The following DNAAF5 variants were observed in gnomAD, a reference collection of about 807,000 sequenced individuals.
DNAAF5 encodes dynein axonemal assembly factor 5.
In DNAAF5, 64 loss-of-function variants were observed where a neutral mutation model predicts 75.8. The observed-to-expected ratio is 0.84, with a 90% CI of 0.69 to 1.04. DNAAF5 has a LOEUF of 1.04. DNAAF5 is among the 50% of genes least tolerant of loss of function. DNAAF5 has a pLI of 0.00. For synonymous variants in DNAAF5, 657 were observed against 557.2 expected, an observed-to-expected ratio of 1.18 and a Z score of -2.52; for missense variants, 1,269 against 1,178.5, an observed-to-expected ratio of 1.08 and a Z score of -1.12.
At chr7:747,126 G>C (rs954611636) in intron 4 of DNAAF5, among the ~76,000 whole-genome samples, 2 of 152,208 alleles carry the variant, frequency 1.3e-5, no homozygotes, top group African/African-American at 4.8e-5. Context: ...GTGTTTTATT[G>C]GATAAACACT....
At chr7:764,496 T>C (rs1356831390) in intron 8 of DNAAF5, among the ~76,000 whole-genome samples, 1 of 152,214 alleles carries the variant, frequency 6.6e-6, no homozygotes, top group Non-Finnish European at 1.5e-5. Flanking sequence ...CATAGTGCCT[T>C]GGGACACACG....
rs1779119161 is a variant in DNAAF5, at chr7:785,551, TCTC to T, written c.2469_2471del (p.Leu824del). 1.9e-6 allele frequency: 3 copies of T among 1,613,656 alleles called. No individual in the cohort carries two copies. The East Asian group carries it at 6.7e-5, about 36-fold the overall frequency. On this transcript the variant is annotated inframe_deletion, in exon 13 of 13. Coordinates refer to ENST00000297440, the MANE Select transcript of DNAAF5 (RefSeq NM_017802.4). The stretch of plus-strand genomic sequence containing the variant: ...AAGAGGGCAGCGGGCTGTTCCCAGA[TCTC>T]CTGGTGAGGGAGACGGAGGCCGTCA...
intron 8 of DNAAF5, chr7:769,114 G>T (rs1039545406): frequency 4.0e-6 from 3 of 758,342 alleles, no homozygotes; most frequent in African/African-American, 3.4e-5. Flanking sequence ...GGCAGGTGCG[G>T]GGGTCTCAGT....
chr7:785,117 C>G (rs1322815460), intron 12 of DNAAF5, among the ~76,000 whole-genome samples: 4 of 152,176 alleles, frequency 2.6e-5, no homozygotes, highest in African/African-American at 9.7e-5. Flanking sequence ...CACACTGGGA[C>G]TGCCGTGCAC....
chr7:759,456 G>A (rs886157370), intron 6 of DNAAF5, among the ~76,000 whole-genome samples: 3 of 152,168 alleles, frequency 2.0e-5, no homozygotes, highest in African/African-American at 7.2e-5. Context: ...TCTCACACAG[G>A]GAAGCCAGCA....
chr7:752,292 GAAGCCTTTGTGAC>G (rs779990068), intron 4 of DNAAF5, among the ~76,000 whole-genome samples: 5 of 152,020 alleles, frequency 3.3e-5, no homozygotes, highest in African/African-American at 4.8e-5. Context: ...GAGCTAGGGC[GAAGCCTTTGTGAC>G]AGTGGGCCGG....
At chr7:773,313 G>A (rs1391775678) in intron 9 of DNAAF5, among the ~76,000 whole-genome samples, 2 of 152,254 alleles carry the variant, frequency 1.3e-5, no homozygotes, top group African/African-American at 2.4e-5. Flanking sequence ...AGGAAGGGAC[G>A]CTGTGCAGGC....
chr7:730,095 C>A lies in DNAAF5; in HGVS notation c.780+248C>A, dbSNP rs147573427. Among the ~76,000 whole-genome samples, 882 of 152,306 alleles carry A rather than the reference C, an allele frequency of 5.8e-3. 7 individuals carry two copies. The highest frequency in any genetic ancestry group is 0.021 in the African/African-American group (852 of 41,558). On this transcript the variant is annotated intron_variant, in intron 2 of 12. Coordinates refer to ENST00000297440, the MANE Select transcript of DNAAF5 (RefSeq NM_017802.4). ...AGGATGACTTGTGTAGTTATTGTCT[C>A]TTAGGCACAGTGTGCACTTCAGCAG...
At chr7:767,374 A>G (rs1778342855) in intron 8 of DNAAF5, among the ~76,000 whole-genome samples, 1 of 152,110 alleles carries the variant, frequency 6.6e-6, no homozygotes, top group African/African-American at 2.4e-5. Flanking sequence ...CGCATCTGGA[A>G]TTGCCAATGT....
rs771037656 is a variant in DNAAF5 at position 774,072 on chromosome 7, G to T, written c.1956G>T (p.Thr652=). ...GGCAGTTTCCCAGCTACCTCGAGACGGTGACAAAGGACATCCTGGCCCCCA... is the reference window on the plus strand; with the variant it reads ...GGCAGTTTCCCAGCTACCTCGAGACTGTGACAAAGGACATCCTGGCCCCCA... ...SQGQFPSYLE[T]VTKDILAPNL... is the part of the protein sequence containing the mutation. The change falls in exon 10 of 13, where the codon ACG becomes ACT. Residue 652 remains threonine, a synonymous_variant. Transcript: ENST00000297440. 6 of 1,614,020 alleles carry T rather than the reference G, an allele frequency of 3.7e-6. No homozygotes were observed. Among genetic ancestry groups the T allele is most frequent in the Non-Finnish European group, 5.1e-6 (6 of 1,180,006 alleles).
chr7:775,616 G>A (rs1778736223), intron 11 of DNAAF5, among the ~76,000 whole-genome samples: 1 of 152,146 alleles, frequency 6.6e-6, no homozygotes, highest in African/African-American at 2.4e-5. Flanking sequence ...ATATAAATAT[G>A]TATGTATTGG....
intron 4 of DNAAF5, among the ~76,000 whole-genome samples, chr7:751,875 G>A (rs1782306983): frequency 6.6e-6 from 1 of 152,130 alleles, no homozygotes; most frequent in East Asian, 1.9e-4. Flanking sequence ...TGCCCGGCCT[G>A]AATTTTGAAG....
chr7:729,697 G>T lies in DNAAF5; in HGVS notation c.630G>T (p.Gly210=). 3 of 1,614,022 alleles carry T rather than the reference G, an allele frequency of 1.9e-6. No homozygotes were observed. Among genetic ancestry groups the T allele is most frequent in the Non-Finnish European group, 2.5e-6 (3 of 1,180,008 alleles). Reference sequence around the variant, plus strand: ...ACATGCAGTCGGAGTCTCTGATCGGGCCCCTGATGCAGACCATCTCCCACC... The same window carrying T: ...ACATGCAGTCGGAGTCTCTGATCGGTCCCCTGATGCAGACCATCTCCCACC... ...HFHMQSESLI[G]PLMQTISHQH... is the part of the protein sequence containing the mutation. Residue 210 remains glycine, a synonymous_variant, in exon 2 of 13, where the codon GGG becomes GGT. Coordinates refer to ENST00000297440, the MANE Select transcript of DNAAF5 (RefSeq NM_017802.4).
intron 2 of DNAAF5, among the ~76,000 whole-genome samples, chr7:736,222 A>G (rs1472432576): frequency 6.6e-6 from 1 of 152,250 alleles, no homozygotes. Context: ...TATGAGGTCC[A>G]TTAGATCTAT....
At chr7:729,524 T>G in intron 1 of DNAAF5, 139 bp from the exon 2 acceptor site, 2 of 754,960 alleles carry the variant, frequency 2.6e-6, no homozygotes, top group African/African-American at 3.5e-5. Context: ...TTGTGTACTG[T>G]TCATGCAGCA....
chr7:774,045 C>G lies in DNAAF5; in HGVS notation c.1932-3C>G. 1 of 1,614,136 alleles carries G rather than the reference C, an allele frequency of 6.2e-7. No homozygotes were observed. Among genetic ancestry groups the G allele is most frequent in the Non-Finnish European group, 8.5e-7 (1 of 1,180,026 alleles). On this transcript the variant is annotated splice_region_variant and splice_polypyrimidine_tract_variant and intron_variant, in intron 9 of 12. Coordinates refer to ENST00000297440, the MANE Select transcript of DNAAF5 (RefSeq NM_017802.4). Reference sequence around the variant, plus strand: ...TCATCCACCCTCTCCGTTCCGGTTCCAGGCAGTTTCCCAGCTACCTCGAGA... The same window carrying G: ...TCATCCACCCTCTCCGTTCCGGTTCGAGGCAGTTTCCCAGCTACCTCGAGA...
At chr7:736,661 C>A (rs375282384) in intron 2 of DNAAF5, among the ~76,000 whole-genome samples, 1 of 152,170 alleles carries the variant, frequency 6.6e-6, no homozygotes, top group African/African-American at 2.4e-5. Flanking sequence ...CCCATTCAGC[C>A]GCTCTGTCTT....
chr7:735,628 A>T (rs1020958319), intron 2 of DNAAF5, among the ~76,000 whole-genome samples: 2 of 152,144 alleles, frequency 1.3e-5, no homozygotes, highest in African/African-American at 4.8e-5. Flanking sequence ...TTTCTGTAGT[A>T]TCAGTTGTTT....
intron 9 of DNAAF5, chr7:771,171 A>C (rs1370862498): frequency 6.6e-6 from 1 of 152,368 alleles, no homozygotes; most frequent in Non-Finnish European, 1.5e-5. Flanking sequence ...AAAGTGGTAA[A>C]AATACCTCTT....
Sources: allele counts gnomAD v4.1 joint callset (sites outside exome capture counted in the v4.1 genomes callset), GRCh38; gene constraint gnomAD v4.1.1; transcripts MANE v1.5; gene names NCBI Gene and HGNC (gene_info 2026-07-23, HGNC 2026-07-21).